XKR4: variants seen among roughly 807,000 people sequenced by gnomAD.
XKR4 encodes XK-related protein 4.
Under a neutral mutation model 53.9 loss-of-function variants are expected in XKR4, and 12 were observed. The ratio of observed to expected loss-of-function variants is 0.22; its 90% CI spans 0.14 to 0.36. XKR4 has a LOEUF of 0.36. XKR4 is among the 10% of genes least tolerant of loss of function. XKR4 has a pLI of 1.00. For synonymous variants in XKR4, 354 were observed against 362.4 expected, an observed-to-expected ratio of 0.98 and a Z score of 0.26; for missense variants, 799 against 859.5, an observed-to-expected ratio of 0.93 and a Z score of 0.88.
chr8:55,160,900 C>T (rs1181153076), intron 1 of XKR4, among the ~76,000 whole-genome samples: 1 of 152,066 alleles, frequency 6.6e-6, no homozygotes, highest in East Asian at 1.9e-4. Context: ...TAATAAAATT[C>T]ACACAAAAAA....
chr8:55,226,783 C>A (rs61660957), intron 1 of XKR4, among the ~76,000 whole-genome samples: 35,987 of 152,060 alleles, frequency 0.24, 4,721 homozygotes, highest in East Asian at 0.47. Context: ...TCCTTTAATA[C>A]CTCTTGTTTG....
intron 2 of XKR4, among the ~76,000 whole-genome samples, chr8:55,518,998 T>C (rs1030978775): frequency 6.6e-6 from 1 of 152,054 alleles, no homozygotes; most frequent in Non-Finnish European, 1.5e-5. Flanking sequence ...GAGGAGGAGA[T>C]GGAATCCAGA....
intron 2 of XKR4, among the ~76,000 whole-genome samples, chr8:55,435,564 AT>A (rs1197182296): frequency 2.2e-5 from 3 of 133,788 alleles, no homozygotes; most frequent in Non-Finnish European, 4.8e-5. Context: ...TTTTTTTTTT[AT>A]TTTTTTATTT....
At chr8:55,310,632 A>G (rs528872208) in intron 1 of XKR4, among the ~76,000 whole-genome samples, 1 of 152,268 alleles carries the variant, frequency 6.6e-6, no homozygotes, top group South Asian at 2.1e-4. Flanking sequence ...TTCCCTGAGT[A>G]AGTTTGGACA....
At chr8:55,514,248 CTTTTT>C (rs71256544) in intron 2 of XKR4, among the ~76,000 whole-genome samples, 2 of 108,902 alleles carry the variant, frequency 1.8e-5, no homozygotes, top group Non-Finnish European at 3.8e-5. Flanking sequence ...TGCTGGGATT[CTTTTT>C]TTTTTTTTTT....
At chr8:55,259,513 G>A (rs971075653) in intron 1 of XKR4, among the ~76,000 whole-genome samples, 2 of 152,058 alleles carry the variant, frequency 1.3e-5, no homozygotes, top group Admixed American at 1.3e-4. Context: ...TTTGCCCTTC[G>A]TTGTAACTGA....
chr8:55,378,790 T>A (rs1289696936), intron 2 of XKR4, among the ~76,000 whole-genome samples: 1 of 152,184 alleles, frequency 6.6e-6, no homozygotes, highest in African/African-American at 2.4e-5. Context: ...TGAGCGCATG[T>A]CTTACCTTGG....
intron 1 of XKR4, among the ~76,000 whole-genome samples, chr8:55,206,198 G>T (rs1247048887): frequency 6.6e-6 from 1 of 152,194 alleles, no homozygotes; most frequent in Non-Finnish European, 1.5e-5. Flanking sequence ...ATGGAAGGGG[G>T]CCGGAGCGGG....
chr8:55,151,589 T>G (rs922275045), intron 1 of XKR4, among the ~76,000 whole-genome samples: 2 of 152,202 alleles, frequency 1.3e-5, no homozygotes, highest in African/African-American at 2.4e-5. Context: ...AACATTTATA[T>G]ATTGTTTTTT....
In XKR4 at chr8:55,112,562, G is replaced by GGTTT. The variant is rs1554560069; in HGVS notation, c.806+9268_806+9269insGTTT. Among the ~76,000 whole-genome samples the GGTTT allele has an allele frequency of 2.6e-5, 2 of 77,216 alleles. 1 individual carries two copies. The highest frequency in any genetic ancestry group is 9.6e-4 in the East Asian group (2 of 2,088). 50.7% of individuals were successfully genotyped at this position (77,216 alleles called of 152,430 possible). On this transcript the variant is annotated intron_variant, in intron 1 of 2. Coordinates refer to ENST00000327381, the MANE Select transcript of XKR4 (RefSeq NM_052898.2). ...TGGGGCTGAATTCTTTACTTTTCAG[G>GGTTT]TTTTTTTTTTTTTTTTTTTTTTTTT...
At chr8:55,278,487 G>A (rs1249008456) in intron 1 of XKR4, among the ~76,000 whole-genome samples, 1 of 152,010 alleles carries the variant, frequency 6.6e-6, no homozygotes, top group Non-Finnish European at 1.5e-5. Flanking sequence ...AAATTAGGAA[G>A]TTTTCTTGGG....
intron 1 of XKR4, chr8:55,273,044 A>G (rs998290276): frequency 1.7e-5 from 6 of 362,206 alleles, no homozygotes; most frequent in African/African-American, 8.5e-5. Context: ...ATTCCATTCA[A>G]TGGAAGAAAA....
At chr8:55,123,278 A>G (rs1207863341) in intron 1 of XKR4, among the ~76,000 whole-genome samples, 2 of 152,230 alleles carry the variant, frequency 1.3e-5, no homozygotes, top group African/African-American at 4.8e-5. Context: ...AGAGGACTTT[A>G]TATTCATTCC....
chr8:55,540,467 C>A lies in XKR4; in HGVS notation c.*16240C>A, dbSNP rs1807086647. On this transcript the variant is annotated 3_prime_UTR_variant, in exon 3 of 3. Coordinates refer to ENST00000327381, the MANE Select transcript of XKR4 (RefSeq NM_052898.2). ...TGCTTATTGAAGATCCCAGCTGAAG[C>A]CTTTCTTTGGTAAAGAGCGCAGAAA... 6.6e-6 allele frequency: 1 copy of A among 152,148 alleles called. No homozygotes were observed. The highest frequency in any genetic ancestry group is 1.5e-5 in the Non-Finnish European group (1 of 68,016). 9.4% of individuals were successfully genotyped at this position (152,148 alleles called of 1,614,324 possible).
intron 1 of XKR4, among the ~76,000 whole-genome samples, chr8:55,343,563 C>T (rs538420728): frequency 4.6e-4 from 70 of 152,232 alleles, no homozygotes; most frequent in Middle Eastern, 6.8e-3. Flanking sequence ...TGCCAATGTA[C>T]GCTGGGAGCA....
chr8:55,265,241 G>A (rs1818580073), intron 1 of XKR4, among the ~76,000 whole-genome samples: 1 of 152,192 alleles, frequency 6.6e-6, no homozygotes, highest in Non-Finnish European at 1.5e-5. Context: ...TCTGCAGAGT[G>A]TTTTCCAACT....
intron 2 of XKR4, among the ~76,000 whole-genome samples, chr8:55,428,701 C>T (rs1204082456): frequency 6.6e-6 from 1 of 152,224 alleles, no homozygotes; most frequent in Non-Finnish European, 1.5e-5. Context: ...AGCCCCCCTA[C>T]TTCAGTGTAG....
chr8:55,164,683 G>T (rs1162418001), intron 1 of XKR4: 1 of 307,370 alleles, frequency 3.3e-6, no homozygotes, highest in Non-Finnish European at 6.5e-6. Context: ...GAGACCAAGA[G>T]AATAAGATCA....
intron 2 of XKR4, among the ~76,000 whole-genome samples, chr8:55,370,476 C>A (rs1804056214): frequency 6.6e-6 from 1 of 152,168 alleles, no homozygotes; most frequent in East Asian, 1.9e-4. Flanking sequence ...AGTAATGAAA[C>A]AAAATTGTAA....
Sources: allele counts gnomAD v4.1 joint callset (sites outside exome capture counted in the v4.1 genomes callset), GRCh38; gene constraint gnomAD v4.1.1; transcripts MANE v1.5; gene names NCBI Gene and HGNC (gene_info 2026-07-23, HGNC 2026-07-21).